Variants in DTNA observed in about 807,000 individuals in gnomAD.
DTNA encodes the protein dystrophin-related protein 3.
A neutral mutation model predicts 100.7 loss-of-function variants in DTNA; 43 were observed. The observed-to-expected ratio is 0.43, with a 90% CI of 0.33 to 0.55. The LOEUF (loss-of-function observed/expected upper bound fraction) is 0.55. Ranked by LOEUF, DTNA falls within the 20% of genes least tolerant of loss-of-function variation. DTNA has a pLI of 0.04. For missense variants in DTNA, 798 were observed against 953.9 expected, an observed-to-expected ratio of 0.84 and a Z score of 2.15; for synonymous variants, 349 against 347.9, an observed-to-expected ratio of 1.00 and a Z score of -0.04.
Position 34,661,484 on chromosome 18 carries a change from C to A in DTNA, c.-1-94492C>A, listed in dbSNP as rs546151238. On this transcript the variant is annotated intron_variant, in intron 1 of 19. Transcript: ENST00000283365. ...TCCTACTTGGGCTGATATCCCTGCT[C>A]CCTCTTTCTGGCTTCTTTTACCCCA... is the stretch of plus-strand genomic sequence containing the variant. Among the ~76,000 whole-genome samples the A allele has an allele frequency of 2.6e-5, 4 of 152,298 alleles. No homozygotes were observed. The East Asian group carries it at 7.7e-4, about 29-fold the overall frequency.
intron 1 of DTNA, among the ~76,000 whole-genome samples, chr18:34,563,964 C>T (rs1395504640): frequency 2.0e-5 from 3 of 149,142 alleles, no homozygotes; most frequent in African/African-American, 5.1e-5. Context: ...CAGTTGCTTT[C>T]GTATGTGTGT....
chr18:34,643,540 T>C (rs1226497323), intron 1 of DTNA, among the ~76,000 whole-genome samples: 1 of 152,224 alleles, frequency 6.6e-6, no homozygotes, highest in Non-Finnish European at 1.5e-5. Context: ...AGGAAATCTG[T>C]TTATTCTTTA....
At chr18:34,620,657 C>T (rs947022691) in intron 1 of DTNA, among the ~76,000 whole-genome samples, 1 of 152,138 alleles carries the variant, frequency 6.6e-6, no homozygotes, top group Non-Finnish European at 1.5e-5. Flanking sequence ...GCAGGCACAT[C>T]TCACATGCCC....
intron 1 of DTNA, among the ~76,000 whole-genome samples, chr18:34,515,538 C>T (rs1476917400): frequency 3.3e-5 from 5 of 151,970 alleles, no homozygotes; most frequent in Non-Finnish European, 5.9e-5. Flanking sequence ...GCCTTGTATT[C>T]GATTGTATTG....
At chr18:34,669,460 C>T (rs1011239877) in intron 1 of DTNA, among the ~76,000 whole-genome samples, 1 of 152,158 alleles carries the variant, frequency 6.6e-6, no homozygotes, top group Non-Finnish European at 1.5e-5. Context: ...TGAATTTGAT[C>T]CTGTCATTGT....
rs201841590 is a variant in DTNA at position 34,574,971 on chromosome 18, T to TG, written c.-2+81459dup. Among the ~76,000 whole-genome samples, 1,096 of 152,316 alleles carry TG rather than the reference T, an allele frequency of 7.2e-3. 17 individuals are homozygous for TG. Among genetic ancestry groups the TG allele is most frequent in the African/African-American group, 0.025 (1,057 of 41,558 alleles). ...AGAAATGCCTGTTTTTCTTAATGTATGGTAGTCTGGTTGAACAAGTCATAA... is the reference window on the plus strand; with the variant it reads ...AGAAATGCCTGTTTTTCTTAATGTATGGGTAGTCTGGTTGAACAAGTCATAA... On this transcript the variant is annotated intron_variant, in intron 1 of 19. Transcript: ENST00000283365.
At chr18:34,497,008 C>CT (rs1254745794) in intron 1 of DTNA, among the ~76,000 whole-genome samples, 1 of 152,052 alleles carries the variant, frequency 6.6e-6, no homozygotes, top group African/African-American at 2.4e-5. Flanking sequence ...ACTATCAGTA[C>CT]TTTTTTTTAA....
chr18:34,590,076 A>C (rs2049550312), intron 1 of DTNA, among the ~76,000 whole-genome samples: 1 of 152,220 alleles, frequency 6.6e-6, no homozygotes, highest in South Asian at 2.1e-4. Flanking sequence ...GGAAGTACAG[A>C]TACCTTTAGG....
chr18:34,619,840 G>T (rs2056104106), intron 1 of DTNA, among the ~76,000 whole-genome samples: 1 of 152,154 alleles, frequency 6.6e-6, no homozygotes, highest in Admixed American at 6.5e-5. Context: ...GCTATGAGCA[G>T]TATGAGTTAT....
At position 34,542,877 on chromosome 18, in the gene DTNA, T is replaced by A. The variant is rs975064661; in HGVS notation, c.-2+49363T>A. ...CTATTTTCACACTTTAAAAAGCAACTACATTTCACATTTTGAAAAATGTAT... is the reference window on the plus strand; with the variant it reads ...CTATTTTCACACTTTAAAAAGCAACAACATTTCACATTTTGAAAAATGTAT... On this transcript the variant is annotated intron_variant, in intron 1 of 19. Transcript: ENST00000283365. Among the ~76,000 whole-genome samples, 3 of 119,376 alleles carry A rather than the reference T, an allele frequency of 2.5e-5. No individual in the cohort carries two copies. The East Asian group carries it at 7.6e-4, about 30-fold the overall frequency. 78.3% of individuals were successfully genotyped at this position (119,376 alleles called of 152,430 possible). A position where few individuals can be genotyped will look rare whatever the true frequency, so the allele number is the denominator to read the frequency against.
chr18:34,711,809 A>G (rs2082956723), intron 1 of DTNA, among the ~76,000 whole-genome samples: 1 of 152,174 alleles, frequency 6.6e-6, no homozygotes, highest in Admixed American at 6.5e-5. Flanking sequence ...CAAAAAAATT[A>G]TTTGCCATGA....
chr18:34,569,109 C>A (rs1249356740), intron 1 of DTNA, among the ~76,000 whole-genome samples: 2 of 152,138 alleles, frequency 1.3e-5, no homozygotes, highest in African/African-American at 4.8e-5. Flanking sequence ...GTGAAATGGC[C>A]TGGCTGGATC....
upstream of DTNA, among the ~76,000 whole-genome samples, chr18:34,709,062 C>T (rs1471971987): frequency 2.0e-5 from 3 of 152,082 alleles, no homozygotes; most frequent in Admixed American, 1.3e-4. Flanking sequence ...AAGAAAAATT[C>T]TGTGCAGATC....
intron 22 of DTNA, among the ~76,000 whole-genome samples, chr18:34,885,441 A>T (rs374247494): frequency 1.1e-4 from 17 of 152,302 alleles, no homozygotes; most frequent in Admixed American, 4.6e-4. Context: ...ATGCAGAGAG[A>T]TTAGCACTGG....
rs937524625 is a variant in DTNA, at chr18:34,888,572, C to G, written c.*838C>G. On this transcript the variant is annotated 3_prime_UTR_variant, in exon 23 of 23. Coordinates refer to ENST00000444659, the MANE Select transcript of DTNA (RefSeq NM_001386795.1). Reference sequence around the variant, plus strand: ...TATCATATTCAAAAAAGGCAGCATTCAAATTATATAGAATCTAGTTTTTAA... The same window carrying G: ...TATCATATTCAAAAAAGGCAGCATTGAAATTATATAGAATCTAGTTTTTAA... 1.4e-5 allele frequency: 14 copies of G among 985,552 alleles called. No individual in the cohort carries two copies. The African/African-American group carries it at 1.7e-4, about 12-fold the overall frequency. 61.1% of individuals were successfully genotyped at this position (985,552 alleles called of 1,614,324 possible). A position where few individuals can be genotyped will look rare whatever the true frequency, so the allele number is the denominator to read the frequency against.
chr18:34,628,374 T>C (rs1367325521), intron 1 of DTNA, among the ~76,000 whole-genome samples: 1 of 152,252 alleles, frequency 6.6e-6, no homozygotes, highest in Non-Finnish European at 1.5e-5. Flanking sequence ...TGTGACACAG[T>C]GATTTCTTTT....
At chr18:34,544,289 TC>T (rs1420163369) in intron 1 of DTNA, among the ~76,000 whole-genome samples, 2 of 152,106 alleles carry the variant, frequency 1.3e-5, no homozygotes, top group African/African-American at 4.8e-5. Context: ...GTTATATATT[TC>T]TTTCCTAAGT....
rs147925759 is a variant in DTNA, at chr18:34,634,452, G to C, written c.-1-121524G>C. On this transcript the variant is annotated intron_variant, in intron 1 of 19. Coordinates refer to the DTNA transcript ENST00000283365. ...TTATAAACAAAAATTTAGTAAGAAA[G>C]ACAGCATGTTTTCACATTTTTGCAA... Among the ~76,000 whole-genome samples the C allele has an allele frequency of 1.5e-3, 228 of 152,154 alleles. 1 individual carries two copies. Among genetic ancestry groups the C allele is most frequent in the Admixed American group, 3.3e-3 (51 of 15,290 alleles).
At chr18:34,832,963 A>C (rs995917011) in intron 11 of DTNA, among the ~76,000 whole-genome samples, 1 of 152,186 alleles carries the variant, frequency 6.6e-6, no homozygotes, top group African/African-American at 2.4e-5. Context: ...CACAAATCCA[A>C]ATGTCATACA....
Sources: gnomAD v4.1 joint callset for allele counts (sites outside exome capture counted in the v4.1 genomes callset) on GRCh38, gnomAD v4.1.1 for gene constraint, MANE v1.5 for transcripts, NCBI Gene and HGNC (gene_info 2026-07-23, HGNC 2026-07-21) for gene names.